Variants in GALNT2 observed in about 807,000 individuals in gnomAD.
GALNT2 encodes UDP-GalNAc:polypeptide N-acetylgalactosaminyltransferase 2.
Under a neutral mutation model 81.4 loss-of-function variants are expected in GALNT2, and 31 were observed. That is an observed-to-expected ratio of 0.38 (90% CI 0.29 to 0.51). The LOEUF (loss-of-function observed/expected upper bound fraction) is 0.51. GALNT2 is among the 20% of genes least tolerant of loss of function. The pLI, the probability that GALNT2 is intolerant of heterozygous loss-of-function variation, is 0.87. For missense variants in GALNT2, 629 were observed against 765.7 expected (o/e 0.82, Z 2.11); for synonymous variants, 303 against 287.4 (o/e 1.05, Z -0.55).
At chr1:230,219,798 C>T (rs1572100659) in intron 3 of GALNT2, among the ~76,000 whole-genome samples, 1 of 152,142 alleles carries the variant, frequency 6.6e-6, no homozygotes, top group East Asian at 1.9e-4. Flanking sequence ...TGGGTGTGTC[C>T]CTTAAAACAC....
intron 1 of GALNT2, among the ~76,000 whole-genome samples, chr1:230,114,245 T>C (rs945270826): frequency 8.5e-5 from 13 of 152,116 alleles, no homozygotes; most frequent in African/African-American, 1.2e-4. Flanking sequence ...CGCGCCTCAT[T>C]CTAGGGGGAG....
At chr1:230,108,428 T>C (rs1660605283) in intron 1 of GALNT2, among the ~76,000 whole-genome samples, 1 of 152,166 alleles carries the variant, frequency 6.6e-6, no homozygotes, top group Non-Finnish European at 1.5e-5. Flanking sequence ...ATATCCTAAG[T>C]CCATAATGCA....
chr1:230,110,795 A>G (rs753711310), intron 1 of GALNT2, among the ~76,000 whole-genome samples: 1 of 148,988 alleles, frequency 6.7e-6, no homozygotes, highest in Non-Finnish European at 1.5e-5. Flanking sequence ...TACATTGAGC[A>G]TGAGTTGAGA....
At chr1:230,141,701 G>A (rs1333512822) in intron 1 of GALNT2, among the ~76,000 whole-genome samples, 2 of 151,782 alleles carry the variant, frequency 1.3e-5, no homozygotes, top group African/African-American at 2.4e-5. Flanking sequence ...TGATGGACAC[G>A]TGGGTCCTTA....
intron 14 of GALNT2, chr1:230,268,409 C>G (rs575628022): frequency 6.6e-6 from 1 of 152,250 alleles, no homozygotes; most frequent in Non-Finnish European, 1.5e-5. Flanking sequence ...CGTGTTTAAT[C>G]TCTGGAGTTC....
Position 230,271,381 on chromosome 1 carries a change from TG to T in GALNT2, c.1441-3061del, listed in dbSNP as rs1003797295. Among the ~76,000 whole-genome samples, 1 of 152,246 alleles carries T rather than the reference TG, an allele frequency of 6.6e-6. No individual in the cohort carries two copies. Among genetic ancestry groups the T allele is most frequent in the African/African-American group, 2.4e-5 (1 of 41,458 alleles). ...CTTCTCACCTCTGACACCAGCCCTG[TG>T]GGCTTTTCCCCCCACACCAAGCAAT... On this transcript the variant is annotated intron_variant, in intron 14 of 15. Transcript: ENST00000366672. The surrounding 1 kb of genome is among the most constrained non-coding windows in gnomAD (Gnocchi z 4.2).
chr1:230,153,618 C>T lies in GALNT2; in HGVS notation c.127-24600C>T, dbSNP rs186731316. Reference sequence around the variant, plus strand: ...GACGCCTTCCAGATTCACCAATCATCAGGCCCCTAAGTACCCTTCCAGCCC... The same window carrying T: ...GACGCCTTCCAGATTCACCAATCATTAGGCCCCTAAGTACCCTTCCAGCCC... On this transcript the variant is annotated intron_variant, in intron 1 of 15. Transcript: ENST00000366672. Among the ~76,000 whole-genome samples, 127 of 152,352 alleles carry T rather than the reference C, an allele frequency of 8.3e-4. 1 individual carries two copies. Among genetic ancestry groups the T allele is most frequent in the African/African-American group, 2.7e-3 (111 of 41,586 alleles).
intron 1 of GALNT2, among the ~76,000 whole-genome samples, chr1:230,145,114 C>T (rs973838767): frequency 2.0e-5 from 3 of 150,684 alleles, no homozygotes; most frequent in Admixed American, 6.6e-5. Flanking sequence ...TCACTCATCC[C>T]GTTACACTTA....
At position 230,249,258 on chromosome 1, in the gene GALNT2, GTC is replaced by G. The variant is rs757388468; in HGVS notation, c.893_894del (p.Val298GlyfsTer17). 6.2e-7 allele frequency: 1 copy of G among 1,614,066 alleles called. No homozygotes were observed. The highest frequency in any genetic ancestry group is 1.7e-5 in the Admixed American group (1 of 60,010). On this transcript the variant is annotated frameshift_variant, in exon 9 of 16. Transcript: ENST00000366672. LOFTEE classifies it high-confidence loss of function. ...GAGAAGGTCCCGGCAGGGGAACCCA[GTC>G]GCCCCTATAAAGTAAGTGCCAGCAT... ...EQRRSRQGNP[V>X]APIKTPMIAG...
chr1:230,099,147 T>C (rs1342372659), intron 1 of GALNT2, among the ~76,000 whole-genome samples: 2 of 152,244 alleles, frequency 1.3e-5, no homozygotes, highest in African/African-American at 4.8e-5. Flanking sequence ...TTAGCAGCTT[T>C]GCAAAGTAGG....
At chr1:230,183,848 C>G (rs947063307) in intron 2 of GALNT2, among the ~76,000 whole-genome samples, 1 of 151,906 alleles carries the variant, frequency 6.6e-6, no homozygotes, top group Non-Finnish European at 1.5e-5. Context: ...TGTGGTGGTG[C>G]GTGCCTGTAA....
At chr1:230,092,152 T>C (rs996276488) in intron 1 of GALNT2, 6 of 150,978 alleles carry the variant, frequency 4.0e-5, no homozygotes, top group Non-Finnish European at 7.4e-5. Context: ...TTAATTGGAT[T>C]ACAGTTCACC....
intron 7 of GALNT2, among the ~76,000 whole-genome samples, chr1:230,245,170 T>G (rs766680582): frequency 2.0e-5 from 3 of 151,402 alleles, no homozygotes; most frequent in Non-Finnish European, 2.9e-5. Context: ...TTTTTTTTAA[T>G]AGAATCACAG....
chr1:230,112,077 A>G (rs1192710995), intron 1 of GALNT2, among the ~76,000 whole-genome samples: 1 of 152,130 alleles, frequency 6.6e-6, no homozygotes, highest in Non-Finnish European at 1.5e-5. Flanking sequence ...CTGGCCTCAG[A>G]AGGCATGAGA....
chr1:230,066,877 C>CG (rs1019148655), upstream of GALNT2, among the ~76,000 whole-genome samples: 6 of 144,132 alleles, frequency 4.2e-5, no homozygotes, highest in East Asian at 2.3e-4. Flanking sequence ...GGGCGGCCGG[C>CG]GGGGGGAGCA....
At chr1:230,096,137 G>T (rs949131087) in intron 1 of GALNT2, among the ~76,000 whole-genome samples, 13 of 152,192 alleles carry the variant, frequency 8.5e-5, no homozygotes, top group Non-Finnish European at 1.2e-4. Context: ...TCACCTGGGG[G>T]CCCTTTTGAT....
intron 1 of GALNT2, among the ~76,000 whole-genome samples, chr1:230,147,309 T>C (rs1444047330): frequency 2.0e-5 from 3 of 152,242 alleles, no homozygotes; most frequent in Non-Finnish European, 2.9e-5. Context: ...AGATCGACCG[T>C]GAATTATAAA....
intron 9 of GALNT2, 70 bp downstream of exon 9, chr1:230,249,341 C>A: frequency 7.1e-7 from 1 of 1,414,170 alleles, no homozygotes; most frequent in Non-Finnish European, 9.9e-7. Flanking sequence ...TTGCTGGGCC[C>A]GCACCGCCTG....
In GALNT2 at chr1:230,249,901, G is replaced by A. The variant is rs75238489; in HGVS notation, c.906-556G>A. Among the ~76,000 whole-genome samples, 385 of 152,348 alleles carry A rather than the reference G, an allele frequency of 2.5e-3. 2 individuals carry two copies. The highest frequency in any genetic ancestry group is 8.9e-3 in the African/African-American group (370 of 41,580). ...CAGCACTTTACACTGAATTCGCACA[G>A]CATCGCTTCTGGGAACAAAGTAGGG... On this transcript the variant is annotated intron_variant, in intron 9 of 15. Coordinates refer to ENST00000366672, the MANE Select transcript of GALNT2 (RefSeq NM_004481.5).
Sources: allele counts gnomAD v4.1 joint callset (sites outside exome capture counted in the v4.1 genomes callset), GRCh38; gene constraint gnomAD v4.1.1; non-coding constraint Gnocchi (gnomAD v3.1); transcripts MANE v1.5; gene names NCBI Gene and HGNC (gene_info 2026-07-23, HGNC 2026-07-21).